QRICH1: variants seen among roughly 807,000 people sequenced by gnomAD.
QRICH1 encodes transcriptional regulator QRICH1.
In QRICH1, 16 loss-of-function variants were observed where a neutral mutation model predicts 87.1. That is an observed-to-expected ratio of 0.18 (90% CI 0.12 to 0.28). The LOEUF (loss-of-function observed/expected upper bound fraction) is 0.28. Ranked by LOEUF, QRICH1 falls within the 10% of genes least tolerant of loss-of-function variation. The pLI, the probability that QRICH1 is intolerant of heterozygous loss-of-function variation, is 1.00. For synonymous variants in QRICH1, 367 were observed against 368.4 expected (o/e 1.00, Z 0.05); for missense variants, 647 against 951.7 (o/e 0.68, Z 4.21).
rs920876882 is a variant in QRICH1, at chr3:49,061,161, A to T, written c.310-3271T>A. On this transcript the variant is annotated intron_variant, in intron 2 of 9. Coordinates refer to ENST00000395443, the MANE Select transcript of QRICH1 (RefSeq NM_198880.3). ...AAAAAAAAAAAAAAAAAAAAAAAAA[A>T]AAAAAATCTAACACCTAATGATGTG... is the stretch of plus-strand genomic sequence containing the variant. 4.4e-4 allele frequency among the ~76,000 whole-genome samples: 66 copies of T among 150,220 alleles called. 1 individual carries two copies. The highest frequency in any genetic ancestry group is 1.2e-4 in the Non-Finnish European group (8 of 67,518).
At position 49,046,569 on chromosome 3, in the gene QRICH1, C is replaced by T; in HGVS notation, c.1527G>A (p.Leu509=). 1 of 1,613,218 alleles carries T rather than the reference C, an allele frequency of 6.2e-7. No homozygotes were observed. The highest frequency in any genetic ancestry group is 8.5e-7 in the Non-Finnish European group (1 of 1,179,750). Residue 509 remains leucine (L), a synonymous_variant, in exon 5 of 10, where the codon CTG becomes CTA. Coordinates refer to ENST00000395443, the MANE Select transcript of QRICH1 (RefSeq NM_198880.3). ...NRLAPIGRRQ[L]LRFQEDLISS... is the part of the protein sequence containing the mutation. ...AGATGAGATCTTCCTGGAATCGCAG[C>T]AGTTGGCGCCCTGCAACGGAAGCCT...
At chr3:49,077,145 T>C (rs1248804086) in intron 1 of QRICH1, 107 bp from the exon 2 acceptor site, 2 of 637,750 alleles carry the variant, frequency 3.1e-6, no homozygotes, top group Admixed American at 3.7e-5. Context: ...GCTGTATACA[T>C]ATAGAATCAA....
At chr3:49,048,939 TC>T (rs1255152422) in intron 3 of QRICH1, among the ~76,000 whole-genome samples, 1 of 151,276 alleles carries the variant, frequency 6.6e-6, no homozygotes, top group East Asian at 2.0e-4. Flanking sequence ...TCTTGCTCTT[TC>T]GCCTAGGCTG....
intron 1 of QRICH1, among the ~76,000 whole-genome samples, chr3:49,089,737 C>T (rs1298744655): frequency 6.6e-6 from 1 of 152,156 alleles, no homozygotes; most frequent in African/African-American, 2.4e-5. Context: ...AGCATGACTC[C>T]ATTTATACAA....
In QRICH1 at chr3:49,030,494, A is replaced by T. The variant is rs2093229106; in HGVS notation, c.2289T>A (p.Ile763=). 13 of 1,613,858 alleles carry T rather than the reference A, an allele frequency of 8.1e-6. No individual in the cohort carries two copies. Among genetic ancestry groups the T allele is most frequent in the Non-Finnish European group, 1.1e-5 (13 of 1,180,008 alleles). ...CATTGGCCACTGCGATGGCCTCCTGAATTTCTCTTATCACCAGGATCCGCG... is the reference window on the plus strand; with the variant it reads ...CATTGGCCACTGCGATGGCCTCCTGTATTTCTCTTATCACCAGGATCCGCG... ...MLTRILVIRE[I]QEAIAVANAS... The change falls in exon 10 of 10, where the codon ATT becomes ATA. Residue 763 remains isoleucine, a synonymous_variant. Transcript: ENST00000395443.
At chr3:49,054,515 T>G (rs1394317817) in intron 3 of QRICH1, among the ~76,000 whole-genome samples, 1 of 122,754 alleles carries the variant, frequency 8.1e-6, no homozygotes, top group East Asian at 2.8e-4. Context: ...CACAGTTCCC[T>G]TCTCAAGTTG....
At chr3:49,055,556 T>TC (rs2093396351) in intron 3 of QRICH1, among the ~76,000 whole-genome samples, 1 of 152,080 alleles carries the variant, frequency 6.6e-6, no homozygotes, top group African/African-American at 2.4e-5. Context: ...AGAGATAGGG[T>TC]CTTCCTATAT....
At chr3:49,058,888 A>G (rs1347648979) in intron 2 of QRICH1, among the ~76,000 whole-genome samples, 1 of 152,126 alleles carries the variant, frequency 6.6e-6, no homozygotes, top group African/African-American at 2.4e-5. Context: ...TTGGCCTCCA[A>G]AACTGTTGAG....
At chr3:49,045,663 AATC>A (rs2093334941) in intron 5 of QRICH1, among the ~76,000 whole-genome samples, 2 of 151,676 alleles carry the variant, frequency 1.3e-5, no homozygotes, top group Non-Finnish European at 1.5e-5. Context: ...GTAGTGACAT[AATC>A]ATGACTCACT....
intron 6 of QRICH1, among the ~76,000 whole-genome samples, chr3:49,041,281 T>C (rs990538692): frequency 2.0e-5 from 3 of 152,218 alleles, no homozygotes; most frequent in Non-Finnish European, 4.4e-5. Context: ...CATCTTTTCA[T>C]ATACTCATGT....
intron 6 of QRICH1, among the ~76,000 whole-genome samples, chr3:49,041,430 C>G (rs2093309213): frequency 6.6e-6 from 1 of 151,872 alleles, no homozygotes; most frequent in Non-Finnish European, 1.5e-5. Flanking sequence ...TGGGCTCAAG[C>G]AATCCTCTCA....
Position 49,055,586 on chromosome 3 carries a change from C to T in QRICH1, c.1338+1276G>A, listed in dbSNP as rs138862569. Among the ~76,000 whole-genome samples the T allele has an allele frequency of 7.2e-3, 1,090 of 152,310 alleles. 17 individuals are homozygous for T. The highest frequency in any genetic ancestry group is 0.025 in the African/African-American group (1,049 of 41,572). ...CTATATTGCCCAGGCTGATCTCAAA[C>T]TCCTGGGCTCAAGCATTCCTCCCAC... On this transcript the variant is annotated intron_variant, in intron 3 of 9. Transcript: ENST00000395443.
chr3:49,035,994 A>G (rs1226559883), intron 6 of QRICH1, among the ~76,000 whole-genome samples: 1 of 151,782 alleles, frequency 6.6e-6, no homozygotes, highest in African/African-American at 2.4e-5. Flanking sequence ...TGAGAGGTAG[A>G]AGGATTGCTT....
chr3:49,073,725 T>C (rs1006404442), intron 2 of QRICH1, among the ~76,000 whole-genome samples: 1 of 151,542 alleles, frequency 6.6e-6, no homozygotes, highest in Non-Finnish European at 1.5e-5. Context: ...CAGCTCACTG[T>C]AACCTCCACC....
intron 2 of QRICH1, among the ~76,000 whole-genome samples, chr3:49,072,269 T>C (rs1559948015): frequency 6.6e-6 from 1 of 151,862 alleles, no homozygotes; most frequent in African/African-American, 2.4e-5. Context: ...GGCAACAGAG[T>C]GAGGCTCTGT....
intron 2 of QRICH1, among the ~76,000 whole-genome samples, chr3:49,066,328 T>C (rs1299608077): frequency 6.6e-6 from 1 of 152,012 alleles, no homozygotes; most frequent in Non-Finnish European, 1.5e-5. Context: ...ACCACTACTA[T>C]TGGGTTAAAC....
intron 5 of QRICH1, among the ~76,000 whole-genome samples, chr3:49,045,946 C>T (rs1243747414): frequency 1.3e-5 from 2 of 150,126 alleles, no homozygotes; most frequent in African/African-American, 2.5e-5. Flanking sequence ...GACAGAGTCT[C>T]GCTCTGTCAC....
chr3:49,091,102 A>G (rs1381867940), intron 1 of QRICH1, among the ~76,000 whole-genome samples: 2 of 152,112 alleles, frequency 1.3e-5, no homozygotes, highest in African/African-American at 2.4e-5. Flanking sequence ...GGGAGCCTGC[A>G]GTCCCAGCTA....
chr3:49,030,404 T>C lies in QRICH1; in HGVS notation c.*48A>G, dbSNP rs779108080. ...AGGCCTCTTCTTTAGTGTGAAAGTC[T>C]GTCTGGTTTTTCCTGGCTGGTTTCT... On this transcript the variant is annotated 3_prime_UTR_variant, in exon 10 of 10. Transcript: ENST00000395443. The C allele has an allele frequency of 3.2e-6, 5 of 1,568,864 alleles. No homozygotes were observed. The highest frequency in any genetic ancestry group is 1.8e-5 in the Admixed American group (1 of 56,854).
Sources: gnomAD v4.1 joint callset for allele counts (sites outside exome capture counted in the v4.1 genomes callset) on GRCh38, gnomAD v4.1.1 for gene constraint, MANE v1.5 for transcripts, NCBI Gene and HGNC (gene_info 2026-07-23, HGNC 2026-07-21) for gene names.